The following GNAL variants were observed in gnomAD, a reference collection of about 807,000 sequenced individuals.
GNAL encodes G protein subunit alpha L, also known as guanine nucleotide-binding protein G(olf) subunit alpha.
A neutral mutation model predicts 55.1 loss-of-function variants in GNAL; 18 were observed. That is an observed-to-expected ratio of 0.33 (90% confidence interval 0.23 to 0.48). The LOEUF is 0.48. Among genes scored for constraint, GNAL ranks in the 20% least tolerant of loss-of-function variants. The pLI is 0.99. For missense variants in GNAL, 412 were observed against 614.1 expected (o/e 0.67, Z 3.48); for synonymous variants, 253 against 237.0 (o/e 1.07, Z -0.62).
Position 11,851,376 on chromosome 18 carries a change from C to G in GNAL, c.723-11019C>G, listed in dbSNP as rs1048038994. 3 of 1,171,618 alleles carry G rather than the reference C, an allele frequency of 2.6e-6. No individual in the cohort carries two copies. The African/African-American group carries it at 4.6e-5, about 18-fold the overall frequency. 72.6% of individuals were successfully genotyped at this position (1,171,618 alleles called of 1,614,324 possible). A position where few individuals can be genotyped will look rare whatever the true frequency, so the allele number is the denominator to read the frequency against. ...CTTTGGCGCTGGGCTCTGACGTCACCACCTGCGCCGCTCACAGTAGAAACA... is the reference window on the plus strand; with the variant it reads ...CTTTGGCGCTGGGCTCTGACGTCACGACCTGCGCCGCTCACAGTAGAAACA... On this transcript the variant is annotated intron_variant, in intron 5 of 11. Coordinates refer to ENST00000334049, the MANE Select transcript of GNAL (RefSeq NM_182978.4).
intron 1 of GNAL, among the ~76,000 whole-genome samples, chr18:11,705,832 T>C (rs2031697104): frequency 6.8e-6 from 1 of 146,934 alleles, no homozygotes; most frequent in Admixed American, 6.9e-5. Context: ...TTCGGCTCAC[T>C]GCAACCTTCG....
At chr18:11,869,988 T>C (rs1490228042) in intron 9 of GNAL, among the ~76,000 whole-genome samples, 1 of 152,174 alleles carries the variant, frequency 6.6e-6, no homozygotes, top group Non-Finnish European at 1.5e-5. Context: ...CAATACAGTA[T>C]AACAACTACT....
At chr18:11,713,087 A>T (rs1169795964) in intron 1 of GNAL, among the ~76,000 whole-genome samples, 1 of 152,218 alleles carries the variant, frequency 6.6e-6, no homozygotes. Flanking sequence ...CAATTTTATC[A>T]ATGAAAACTG....
intron 4 of GNAL, among the ~76,000 whole-genome samples, chr18:11,823,695 A>G (rs1197244587): frequency 6.6e-6 from 1 of 152,202 alleles, no homozygotes; most frequent in African/African-American, 2.4e-5. Context: ...GATTCCTAGA[A>G]ATGTGGCAGC....
chr18:11,765,986 T>A (rs765044296), intron 4 of GNAL, among the ~76,000 whole-genome samples: 3 of 152,178 alleles, frequency 2.0e-5, no homozygotes, highest in Admixed American at 6.6e-5. Flanking sequence ...ATTAGAGCAT[T>A]TTGTTCTTAT....
intron 1 of GNAL, among the ~76,000 whole-genome samples, chr18:11,733,124 C>A (rs1212480438): frequency 6.6e-6 from 1 of 152,192 alleles, no homozygotes; most frequent in Non-Finnish European, 1.5e-5. Flanking sequence ...GGTTGTTTCT[C>A]GAACGGCCGC....
intron 4 of GNAL, among the ~76,000 whole-genome samples, chr18:11,801,353 C>T (rs967580912): frequency 1.3e-5 from 2 of 152,144 alleles, no homozygotes; most frequent in Admixed American, 6.5e-5. Context: ...GAGTTAAAGA[C>T]CAGCCTCGCC....
intron 4 of GNAL, among the ~76,000 whole-genome samples, chr18:11,820,641 C>G (rs528430960): frequency 6.6e-6 from 1 of 152,130 alleles, no homozygotes; most frequent in South Asian, 2.1e-4. Flanking sequence ...GATTCATTCT[C>G]TCTATTTTTA....
intron 4 of GNAL, among the ~76,000 whole-genome samples, chr18:11,765,361 A>C (rs188297886): frequency 6.6e-6 from 1 of 152,374 alleles, no homozygotes; most frequent in Non-Finnish European, 1.5e-5. Flanking sequence ...AAGTTATCAA[A>C]TTAGAGTAAT....
At chr18:11,857,505 T>C in intron 5 of GNAL, 2 of 985,544 alleles carry the variant, frequency 2.0e-6, no homozygotes, top group Non-Finnish European at 2.4e-6. Flanking sequence ...AAGTGTGGAC[T>C]TTACCCCATG....
intron 4 of GNAL, among the ~76,000 whole-genome samples, chr18:11,793,572 A>T (rs2034293884): frequency 6.6e-6 from 1 of 151,840 alleles, no homozygotes; most frequent in African/African-American, 2.4e-5. Flanking sequence ...ATAGAGCAAG[A>T]TCCTGTCTCT....
chr18:11,844,156 G>A (rs118172340), intron 5 of GNAL, among the ~76,000 whole-genome samples: 4,407 of 149,792 alleles, frequency 0.029, 108 homozygotes, highest in Middle Eastern at 0.074. Context: ...TCTCAGGGCC[G>A]GGCACAGTGG....
intron 1 of GNAL, among the ~76,000 whole-genome samples, chr18:11,740,587 C>G (rs1212477949): frequency 2.6e-5 from 4 of 152,334 alleles, no homozygotes; most frequent in Admixed American, 2.6e-4. Context: ...CCAATTCTTG[C>G]AATTCCAGTC....
chr18:11,717,706 A>G (rs1235959198), intron 1 of GNAL, among the ~76,000 whole-genome samples: 1 of 152,152 alleles, frequency 6.6e-6, no homozygotes, highest in African/African-American at 2.4e-5. Context: ...AAAACCAAAT[A>G]CTGCATGTTC....
chr18:11,690,020 T>TGGCGGGCACCGGGGAGCGGC (rs2031190214), intron 1 of GNAL, 81 bp downstream of exon 1: 8 of 880,654 alleles, frequency 9.1e-6, no homozygotes, highest in South Asian at 5.4e-5. Flanking sequence ...CGGGGAGCGG[T>TGGCGGGCACCGGGGAGCGGC]GGCGGGCACC....
chr18:11,871,754 C>T (rs923904221), intron 9 of GNAL, among the ~76,000 whole-genome samples: 1 of 152,222 alleles, frequency 6.6e-6, no homozygotes, highest in Admixed American at 6.5e-5. Flanking sequence ...AATTACACCA[C>T]AGAAATTCAA....
At chr18:11,863,634 TG>T (rs2036196784) in intron 6 of GNAL, among the ~76,000 whole-genome samples, 3 of 151,792 alleles carry the variant, frequency 2.0e-5, no homozygotes, top group Admixed American at 2.0e-4. Flanking sequence ...TAAAATCACA[TG>T]GATTTGGGGG....
At chr18:11,805,357 A>C (rs1226021235) in intron 4 of GNAL, among the ~76,000 whole-genome samples, 1 of 152,158 alleles carries the variant, frequency 6.6e-6, no homozygotes, top group Non-Finnish European at 1.5e-5. Flanking sequence ...TGGATGGAAC[A>C]TGGAGGTATT....
intron 4 of GNAL, among the ~76,000 whole-genome samples, chr18:11,788,215 C>T (rs1282710374): frequency 6.6e-6 from 1 of 152,178 alleles, no homozygotes; most frequent in Admixed American, 6.5e-5. Flanking sequence ...AGCCTGTCCT[C>T]AGAGATTTTG....
Sources: allele counts gnomAD v4.1 joint callset (sites outside exome capture counted in the v4.1 genomes callset), GRCh38; gene constraint gnomAD v4.1.1; transcripts MANE v1.5; gene names NCBI Gene and HGNC (gene_info 2026-07-23, HGNC 2026-07-21).